Variants in XRCC5 observed in about 807,000 individuals in gnomAD.
The protein encoded by XRCC5 is X-ray repair cross complementing 5, also known as DNA repair protein Ku80.
In XRCC5, 12 loss-of-function variants were observed where a neutral mutation model predicts 95.7. The ratio of observed to expected loss-of-function variants is 0.13; its 90% CI spans 0.08 to 0.20. The LOEUF is 0.20. XRCC5 is among the 10% of genes least tolerant of loss of function. XRCC5 has a pLI of 1.00. For synonymous variants in XRCC5, 281 were observed against 290.3 expected (o/e 0.97, Z 0.33); for missense variants, 595 against 873.9 (o/e 0.68, Z 4.02).
Position 216,158,302 on chromosome 2 carries a change from G to A in XRCC5, c.1671-1766G>A, listed in dbSNP as rs191911600. ...AGACTGAAGCTCAGAGAGGTTTGTA[G>A]CTTACTAGACTCTAAACTCTAGATA... On this transcript the variant is annotated intron_variant, in intron 14 of 20. Coordinates refer to ENST00000392132, the MANE Select transcript of XRCC5 (RefSeq NM_021141.4). Among the ~76,000 whole-genome samples, 9 of 152,266 alleles carry A rather than the reference G, an allele frequency of 5.9e-5. No individual in the cohort carries two copies. The East Asian group carries it at 1.7e-3, about 29-fold the overall frequency.
chr2:216,149,611 C>G (rs931965603), intron 14 of XRCC5, among the ~76,000 whole-genome samples: 23 of 151,974 alleles, frequency 1.5e-4, no homozygotes, highest in East Asian at 5.8e-4. Context: ...TATTCTCTCT[C>G]TGTGTGTTAA....
In XRCC5 at chr2:216,118,962, C is replaced by A. The variant is rs575986003; in HGVS notation, c.369-81C>A. On this transcript the variant is annotated intron_variant, in intron 4 of 20. Transcript: ENST00000392132. ...TCTAGATCCATTTCTAAGCTTCTCT[C>A]CTCAGTGACCAAGTGTATTTGAATT... 3.6e-4 allele frequency: 523 copies of A among 1,464,160 alleles called. 1 individual carries two copies. The highest frequency in any genetic ancestry group is 7.6e-5 in the Non-Finnish European group (80 of 1,054,936). 90.7% of individuals were successfully genotyped at this position (1,464,160 alleles called of 1,614,324 possible). A position where few individuals can be genotyped will look rare whatever the true frequency, so the allele number is the denominator to read the frequency against.
rs1235265231 is a variant in XRCC5, at chr2:216,132,487, T to C, written c.1113+100T>C. ...CTTTTATAGTTTAAAATGACATGAA[T>C]TCTTGCAATAGGAGTGGGGAAATCC... On this transcript the variant is annotated intron_variant, in intron 10 of 20. Transcript: ENST00000392132. The C allele has an allele frequency of 2.5e-6, 3 of 1,206,970 alleles. No individual in the cohort carries two copies. In the African/African-American group the frequency reaches 4.5e-5, roughly 18 times the overall value. 74.8% of individuals were successfully genotyped at this position (1,206,970 alleles called of 1,614,324 possible). A position where few individuals can be genotyped will look rare whatever the true frequency, so the allele number is the denominator to read the frequency against.
At chr2:216,129,975 C>T (rs1405704016) in intron 8 of XRCC5, among the ~76,000 whole-genome samples, 1 of 152,132 alleles carries the variant, frequency 6.6e-6, no homozygotes, top group Non-Finnish European at 1.5e-5. Flanking sequence ...TGTGCCTGGC[C>T]TAAAAGTGTG....
At chr2:216,156,446 A>C (rs1228272263) in intron 14 of XRCC5, 2 of 710,518 alleles carry the variant, frequency 2.8e-6, no homozygotes, top group East Asian at 3.2e-5. Flanking sequence ...TGTAGTCTCT[A>C]TCGTACAGCA....
At chr2:216,175,613 A>G in intron 16 of XRCC5, 1 of 402,560 alleles carries the variant, frequency 2.5e-6, no homozygotes, top group South Asian at 2.0e-5. Flanking sequence ...TAATTTCTGA[A>G]ACTGTATCTA....
intron 10 of XRCC5, among the ~76,000 whole-genome samples, chr2:216,135,366 A>G (rs1475310630): frequency 6.6e-6 from 1 of 152,208 alleles, no homozygotes; most frequent in African/African-American, 2.4e-5. Flanking sequence ...AAGGCCAAGT[A>G]TGAGACCTGC....
At chr2:216,118,648 T>G (rs1338307069) in intron 4 of XRCC5, among the ~76,000 whole-genome samples, 4 of 152,222 alleles carry the variant, frequency 2.6e-5, no homozygotes, top group Non-Finnish European at 5.9e-5. Context: ...CTGCCAAATC[T>G]TGCCACACAA....
intron 18 of XRCC5, among the ~76,000 whole-genome samples, chr2:216,193,023 T>C (rs1014109647): frequency 6.6e-6 from 1 of 152,216 alleles, no homozygotes; most frequent in Non-Finnish European, 1.5e-5. Flanking sequence ...TTCTGTTTGT[T>C]GAATGGAGCA....
At chr2:216,174,146 G>A (rs926417903) in intron 16 of XRCC5, among the ~76,000 whole-genome samples, 1 of 147,380 alleles carries the variant, frequency 6.8e-6, no homozygotes, top group African/African-American at 2.6e-5. Context: ...TTCTTTGTGG[G>A]GAGCTTTTGT....
chr2:216,173,760 T>C (rs1689216329), intron 16 of XRCC5, among the ~76,000 whole-genome samples: 2 of 152,192 alleles, frequency 1.3e-5, no homozygotes, highest in African/African-American at 4.8e-5. Context: ...GGGTTAGTTA[T>C]AAAAAGGATG....
rs116257348 is a variant in XRCC5 at position 216,153,911 on chromosome 2, A to G, written c.1670+5635A>G. 2.6e-3 allele frequency among the ~76,000 whole-genome samples: 399 copies of G among 152,348 alleles called. 3 individuals carry two copies. The highest frequency in any genetic ancestry group is 9.1e-3 in the African/African-American group (380 of 41,574). ...AGGCCCCTCCAGTTCAGTAAGCCAG[A>G]AATGGCTTTGTTATCTGCTTTCTTC... is the stretch of plus-strand genomic sequence containing the variant. On this transcript the variant is annotated intron_variant, in intron 14 of 20. Coordinates refer to ENST00000392132, the MANE Select transcript of XRCC5 (RefSeq NM_021141.4).
intron 16 of XRCC5, among the ~76,000 whole-genome samples, chr2:216,167,570 TTGTGTGTG>T (rs58499938): frequency 0.016 from 2,259 of 138,470 alleles, 38 homozygotes; most frequent in African/African-American, 0.047. Context: ...GTGTGTGGGT[TTGTGTGTG>T]TGTGTGTGTG....
intron 16 of XRCC5, among the ~76,000 whole-genome samples, chr2:216,178,774 G>A (rs938598866): frequency 6.6e-6 from 1 of 152,148 alleles, no homozygotes; most frequent in Non-Finnish European, 1.5e-5. Flanking sequence ...GGATAAAAGA[G>A]AGTTCTAGAC....
intron 10 of XRCC5, among the ~76,000 whole-genome samples, chr2:216,136,074 A>AGGCCTGGTGCGGT (rs879290540): frequency 2.6e-5 from 4 of 151,848 alleles, no homozygotes; most frequent in Non-Finnish European, 5.9e-5. Flanking sequence ...ATGAATGTAC[A>AGGCCTGGTGCGGT]GGCCTGGTGC....
chr2:216,191,286 AGT>A (rs777986210), intron 17 of XRCC5, among the ~76,000 whole-genome samples: 22 of 152,326 alleles, frequency 1.4e-4, no homozygotes, highest in Admixed American at 5.9e-4. Context: ...GTTGCCACCC[AGT>A]GTCCTTAAAA....
At chr2:216,145,668 A>C (rs1688613910) in intron 13 of XRCC5, among the ~76,000 whole-genome samples, 1 of 152,218 alleles carries the variant, frequency 6.6e-6, no homozygotes, top group Admixed American at 6.5e-5. Context: ...CCTTTCAGAA[A>C]ATATGAGAGG....
chr2:216,175,490 AAC>A, intron 16 of XRCC5: 1 of 486,826 alleles, frequency 2.1e-6, no homozygotes, highest in South Asian at 1.5e-5. Context: ...GTTTCTAAAC[AAC>A]AGTTTTATCA....
At chr2:216,148,043 G>T in intron 13 of XRCC5, 40 bp from the exon 14 acceptor site, 1 of 1,580,846 alleles carries the variant, frequency 6.3e-7, no homozygotes, top group Non-Finnish European at 8.6e-7. Flanking sequence ...AGCCATATAT[G>T]TCTCCATCTG....
Sources: gnomAD v4.1 joint callset for allele counts (sites outside exome capture counted in the v4.1 genomes callset) on GRCh38, gnomAD v4.1.1 for gene constraint, MANE v1.5 for transcripts, NCBI Gene and HGNC (gene_info 2026-07-23, HGNC 2026-07-21) for gene names.